The following CACNB1 variants were observed in gnomAD, a reference collection of about 807,000 sequenced individuals.
CACNB1 encodes the protein voltage-dependent L-type calcium channel subunit beta-1.
In CACNB1, 29 loss-of-function variants were observed where a neutral mutation model predicts 71.6. That is an observed-to-expected ratio of 0.40 (90% CI 0.30 to 0.55). The LOEUF is 0.55. Among genes scored for constraint, CACNB1 ranks in the 20% least tolerant of loss-of-function variants. The pLI is 0.38. For synonymous variants in CACNB1, 300 were observed against 319.6 expected (o/e 0.94, Z 0.65); for missense variants, 623 against 801.8 (o/e 0.78, Z 2.69).
In CACNB1 at chr17:39,191,406, G is replaced by C. The variant is rs114705928; in HGVS notation, c.291+68C>G. 1.3e-3 allele frequency: 1,891 copies of C among 1,487,624 alleles called. 23 individuals carry two copies. In the African/African-American group the frequency reaches 0.024, roughly 19 times the overall value. 92.2% of individuals were successfully genotyped at this position (1,487,624 alleles called of 1,614,324 possible). ...TCAAGACTTGGCCCTGGTTCTGTCT[G>C]GGCTCTCTCTACAGCCCAGGACTGG... On this transcript the variant is annotated intron_variant, in intron 3 of 13. Coordinates refer to ENST00000394303, the MANE Select transcript of CACNB1 (RefSeq NM_000723.5).
Position 39,175,088 on chromosome 17 carries a change from G to A in CACNB1, c.*105C>T, listed in dbSNP as rs2045541586. 4.3e-6 allele frequency: 4 copies of A among 933,532 alleles called. No individual in the cohort carries two copies. The highest frequency in any genetic ancestry group is 2.4e-5 in the East Asian group (1 of 41,360). The allele number at this position is 933,532 out of a possible 1,614,324, so 57.8% of individuals were successfully genotyped here. On this transcript the variant is annotated 3_prime_UTR_variant, in exon 14 of 14. Coordinates refer to ENST00000394303, the MANE Select transcript of CACNB1 (RefSeq NM_000723.5). This position sits in a 1 kb window ranked among gnomAD's most constrained non-coding sequence, Gnocchi z 4.7. ...TTTGAGCAAAGGCATCTGAAAGGAG[G>A]GAGACAGCGCCCCCTGGAGGCGAAT...
chr17:39,181,945 G>A (rs377672370), intron 11 of CACNB1, among the ~76,000 whole-genome samples: 58 of 152,170 alleles, frequency 3.8e-4, no homozygotes, highest in African/African-American at 1.2e-3. Flanking sequence ...GGTGGATCAC[G>A]AGGTCAGGAG....
rs140103608 is a variant in CACNB1, at chr17:39,185,733, C to A, written c.629-583G>T. Among the ~76,000 whole-genome samples, 428 of 152,258 alleles carry A rather than the reference C, an allele frequency of 2.8e-3. 1 individual carries two copies. Among genetic ancestry groups the A allele is most frequent in the Admixed American group, 5.9e-3 (90 of 15,292 alleles). ...CTGCTGCCCCAGGTGTGGGGGCAAC[C>A]TTCCAAGGGCAAGATCTCCTTCCTG... On this transcript the variant is annotated intron_variant, in intron 6 of 13. Coordinates refer to ENST00000394303, the MANE Select transcript of CACNB1 (RefSeq NM_000723.5).
intron 2 of CACNB1, chr17:39,193,270 GCACACATA>G: frequency 3.3e-6 from 1 of 303,314 alleles, no homozygotes. Context: ...GTAGGCATGC[GCACACATA>G]CACACACATA....
At chr17:39,177,240 G>A (rs774649757) in intron 13 of CACNB1, 110 bp downstream of exon 13, 8 of 1,575,740 alleles carry the variant, frequency 5.1e-6, no homozygotes, top group Admixed American at 3.5e-5. Context: ...CGGGCAGGGC[G>A]CCCACTACAT....
chr17:39,186,003 T>G lies in CACNB1; in HGVS notation c.628+493A>C. 6.2e-7 allele frequency: 1 copy of G among 1,613,792 alleles called. No homozygotes were observed. The highest frequency in any genetic ancestry group is 8.5e-7 in the Non-Finnish European group (1 of 1,179,894). On this transcript the variant is annotated intron_variant, in intron 6 of 13. Transcript: ENST00000394303. This position sits in a 1 kb window ranked among gnomAD's most constrained non-coding sequence, Gnocchi z 4.1. ...TGGGGTGGCGGGGTGGTGACACTGC[T>G]AACACTAGTCTTGGCAGAGCCACTC...
chr17:39,189,840 A>C (rs957661441), intron 3 of CACNB1, among the ~76,000 whole-genome samples: 1 of 150,838 alleles, frequency 6.6e-6, no homozygotes, highest in Non-Finnish European at 1.5e-5. Context: ...AGCTGGGCAC[A>C]GTGGCTTACG....
At chr17:39,182,700 AAAATAAATAAATAAATAAATAAAT>A (rs59927625) in intron 11 of CACNB1, among the ~76,000 whole-genome samples, 16 of 140,208 alleles carry the variant, frequency 1.1e-4, no homozygotes, top group African/African-American at 4.0e-4. Context: ...GACTCTGTCT[AAAATAAATAAATAAATAAATAAAT>A]AAATAAATAA....
intron 1 of CACNB1, chr17:39,195,384 A>T: frequency 6.0e-6 from 1 of 166,296 alleles, no homozygotes; most frequent in Non-Finnish European, 1.3e-5. Flanking sequence ...CGGGAAAGTC[A>T]CCCCCACTCC....
chr17:39,186,196 A>G lies in CACNB1; in HGVS notation c.628+300T>C. 1 of 1,044,242 alleles carries G rather than the reference A, an allele frequency of 9.6e-7. No individual in the cohort carries two copies. The highest frequency in any genetic ancestry group is 1.5e-6 in the Non-Finnish European group (1 of 688,256). The allele number at this position is 1,044,242 out of a possible 1,614,324, so 64.7% of individuals were successfully genotyped here. ...GGAGACACAAGTACAGAACGCAGGG[A>G]TGGGGATGGGGAAAAAAGAAAGAAG... On this transcript the variant is annotated intron_variant, in intron 6 of 13. Transcript: ENST00000394303. This position sits in a 1 kb window ranked among gnomAD's most constrained non-coding sequence, Gnocchi z 4.1.
At chr17:39,191,435 A>T in intron 3 of CACNB1, 39 bp downstream of exon 3, 1 of 1,567,122 alleles carries the variant, frequency 6.4e-7, no homozygotes, top group Middle Eastern at 1.7e-4. Context: ...GGACTGGGGG[A>T]AATCATGCCA....
At position 39,191,722 on chromosome 17, in the gene CACNB1, C is replaced by T. The variant is rs1442483804; in HGVS notation, c.172-129G>A. 3.2e-5 allele frequency: 28 copies of T among 874,648 alleles called. No individual in the cohort carries two copies. The Admixed American group carries it at 8.6e-4, about 27-fold the overall frequency. The allele number at this position is 874,648 out of a possible 1,614,324, so 54.2% of individuals were successfully genotyped here. Reference sequence around the variant, plus strand: ...CCAGCCCAGCATGACACCACAAGGGCTAAGACAAGGTGGTATTAGGTGGAA... The same window carrying T: ...CCAGCCCAGCATGACACCACAAGGGTTAAGACAAGGTGGTATTAGGTGGAA... On this transcript the variant is annotated intron_variant, in intron 2 of 13. Transcript: ENST00000394303.
intron 11 of CACNB1, among the ~76,000 whole-genome samples, chr17:39,178,869 C>T (rs1424845408): frequency 1.3e-5 from 2 of 152,116 alleles, no homozygotes; most frequent in Non-Finnish European, 2.9e-5. Context: ...AAACCGGAAA[C>T]TAATCATGAG....
At position 39,197,657 on chromosome 17, in the gene CACNB1, C is replaced by G. The variant is rs2046230524; in HGVS notation, c.-162G>C. On this transcript the variant is annotated 5_prime_UTR_variant, in exon 1 of 14. Transcript: ENST00000394303. ...CCTTCCTGCCTTCCCTCGCTCCTCC[C>G]GCTCTCTCCACTGCCGCCGCCGCCT... 5.5e-6 allele frequency: 3 copies of G among 547,638 alleles called. No homozygotes were observed. Among genetic ancestry groups the G allele is most frequent in the Non-Finnish European group, 9.5e-6 (3 of 317,328 alleles). The allele number at this position is 547,638 out of a possible 1,614,324, so 33.9% of individuals were successfully genotyped here. A position where few individuals can be genotyped will look rare whatever the true frequency, so the allele number is the denominator to read the frequency against.
chr17:39,191,446 G>A, intron 3 of CACNB1, 28 bp downstream of exon 3: 4 of 1,583,678 alleles, frequency 2.5e-6, no homozygotes, highest in Middle Eastern at 1.7e-4. Context: ...AATCATGCCA[G>A]CACAGCCCCT....
Position 39,186,224 on chromosome 17 carries a change from G to C in CACNB1, c.628+272C>G. Reference sequence around the variant, plus strand: ...GGGATGGGGAAAAAAGAAAGAAGAAGAGGTGAATGGAACAGGGCTGGGAGA... The same window carrying C: ...GGGATGGGGAAAAAAGAAAGAAGAACAGGTGAATGGAACAGGGCTGGGAGA... On this transcript the variant is annotated intron_variant, in intron 6 of 13. Transcript: ENST00000394303. The surrounding 1 kb of genome is among the most constrained non-coding windows in gnomAD (Gnocchi z 4.1). 7.3e-6 allele frequency: 6 copies of C among 818,288 alleles called. No individual in the cohort carries two copies. The highest frequency in any genetic ancestry group is 2.8e-4 in the Middle Eastern group (1 of 3,594). The allele number at this position is 818,288 out of a possible 1,614,324, so 50.7% of individuals were successfully genotyped here. A position where few individuals can be genotyped will look rare whatever the true frequency, so the allele number is the denominator to read the frequency against.
intron 4 of CACNB1, 108 bp from the exon 5 acceptor site, chr17:39,187,037 G>A (rs1356893138): frequency 8.1e-7 from 1 of 1,230,948 alleles, no homozygotes; most frequent in South Asian, 1.4e-5. Flanking sequence ...CAGCCCAGGG[G>A]TGGCACCCTC....
At chr17:39,187,284 CA>C (rs2045964651) in intron 4 of CACNB1, 194 bp downstream of exon 4, 2 of 673,482 alleles carry the variant, frequency 3.0e-6, no homozygotes, top group Admixed American at 5.8e-5. Context: ...ACCCTCCCAA[CA>C]ACCTTCTGAC....
chr17:39,186,030 G>A lies in CACNB1; in HGVS notation c.628+466C>T. On this transcript the variant is annotated intron_variant, in intron 6 of 13. Coordinates refer to ENST00000394303, the MANE Select transcript of CACNB1 (RefSeq NM_000723.5). The surrounding 1 kb of genome is among the most constrained non-coding windows in gnomAD (Gnocchi z 4.1). ...ACACTAGTCTTGGCAGAGCCACTCT[G>A]CTCACCAAGCTCAGCCTCTTCCTCC... The A allele has an allele frequency of 6.2e-7, 1 of 1,613,888 alleles. No individual in the cohort carries two copies. Among genetic ancestry groups the A allele is most frequent in the Non-Finnish European group, 8.5e-7 (1 of 1,179,844 alleles).
Sources: allele counts gnomAD v4.1 joint callset (sites outside exome capture counted in the v4.1 genomes callset), GRCh38; gene constraint gnomAD v4.1.1; non-coding constraint Gnocchi (gnomAD v3.1); transcripts MANE v1.5; gene names NCBI Gene and HGNC (gene_info 2026-07-23, HGNC 2026-07-21).